The following ASAP1 variants were observed in gnomAD, a reference collection of about 807,000 sequenced individuals.
ASAP1 encodes arf-GAP with SH3 domain, ANK repeat and PH domain-containing protein 1.
A neutral mutation model predicts 145.2 loss-of-function variants in ASAP1; 43 were observed. That is an observed-to-expected ratio of 0.30 (90% CI 0.23 to 0.38). ASAP1 has a LOEUF of 0.38. ASAP1 is among the 10% of genes least tolerant of loss of function. The pLI is 1.00. For synonymous variants in ASAP1, 546 were observed against 515.5 expected, an observed-to-expected ratio of 1.06 and a Z score of -0.80; for missense variants, 1,018 against 1,355.3, an observed-to-expected ratio of 0.75 and a Z score of 3.91.
At chr8:130,359,226 T>G (rs1036014949) in intron 2 of ASAP1, among the ~76,000 whole-genome samples, 1 of 152,160 alleles carries the variant, frequency 6.6e-6, no homozygotes, top group Non-Finnish European at 1.5e-5. Context: ...TTTTTTTAAC[T>G]TGCAGGAAAG....
chr8:130,081,377 C>A (rs961049923), intron 25 of ASAP1, among the ~76,000 whole-genome samples: 3 of 152,182 alleles, frequency 2.0e-5, no homozygotes, highest in African/African-American at 7.2e-5. Flanking sequence ...CAGGAGGATT[C>A]CCCGGGACCC....
In ASAP1 at chr8:130,153,332, A is replaced by AATATATATAT. The variant is rs67554567; in HGVS notation, c.1011-537_1011-528dup. ...AGCACCTGGCCAGCACTGCTTTTTA[A>AATATATATAT]ATATATATATATATATATATATATA... is the stretch of plus-strand genomic sequence containing the variant. On this transcript the variant is annotated intron_variant, in intron 12 of 29. Transcript: ENST00000518721. Among the ~76,000 whole-genome samples, 680 of 87,416 alleles carry AATATATATAT rather than the reference A, an allele frequency of 7.8e-3. 11 individuals carry two copies. The highest frequency in any genetic ancestry group is 0.015 in the African/African-American group (329 of 22,628). The allele number at this position is 87,416 out of a possible 152,430, so 57.3% of individuals were successfully genotyped here.
At chr8:130,357,968 C>T in intron 3 of ASAP1, 49 bp downstream of exon 3, 1 of 1,559,706 alleles carries the variant, frequency 6.4e-7, no homozygotes, top group Non-Finnish European at 8.6e-7. Context: ...CCTCCAGCTG[C>T]GCGGCGGCAG....
intron 5 of ASAP1, among the ~76,000 whole-genome samples, chr8:130,195,628 C>T (rs2136278516): frequency 6.6e-6 from 1 of 152,242 alleles, no homozygotes; most frequent in Middle Eastern, 3.4e-3. Flanking sequence ...AGGTATTCCC[C>T]CTGCTAGTAC....
At chr8:130,407,908 T>G (rs755005176) in intron 1 of ASAP1, among the ~76,000 whole-genome samples, 4 of 152,268 alleles carry the variant, frequency 2.6e-5, no homozygotes, top group Admixed American at 6.5e-5. Flanking sequence ...TGGACAATTT[T>G]TTCCCCATAA....
chr8:130,281,092 T>G (rs1586745470), intron 3 of ASAP1, among the ~76,000 whole-genome samples: 1 of 152,158 alleles, frequency 6.6e-6, no homozygotes, highest in South Asian at 2.1e-4. Flanking sequence ...TGGTAGAAGA[T>G]AGCAGAGGTT....
At chr8:130,439,606 A>G (rs1051434000) in intron 1 of ASAP1, among the ~76,000 whole-genome samples, 1 of 152,242 alleles carries the variant, frequency 6.6e-6, no homozygotes, top group African/African-American at 2.4e-5. Flanking sequence ...CTTCAGTTGA[A>G]CACACAATGA....
chr8:130,220,704 T>C (rs1039212513), intron 4 of ASAP1, among the ~76,000 whole-genome samples: 3 of 152,094 alleles, frequency 2.0e-5, no homozygotes, highest in Admixed American at 6.5e-5. Context: ...ATAAAAGACA[T>C]ACCTGAGGCT....
intron 14 of ASAP1, among the ~76,000 whole-genome samples, chr8:130,136,132 A>G (rs1410659695): frequency 1.3e-5 from 2 of 152,192 alleles, no homozygotes; most frequent in African/African-American, 2.4e-5. Context: ...CTTCAATGGC[A>G]CTGTCATCCT....
At chr8:130,307,394 T>G (rs1164446579) in intron 3 of ASAP1, among the ~76,000 whole-genome samples, 3 of 152,238 alleles carry the variant, frequency 2.0e-5, no homozygotes, top group Non-Finnish European at 4.4e-5. Flanking sequence ...ACTGTTAATC[T>G]ATAATATGTA....
intron 26 of ASAP1, 108 bp downstream of exon 26, chr8:130,079,794 G>T: frequency 8.6e-7 from 1 of 1,169,068 alleles, no homozygotes; most frequent in Non-Finnish European, 1.3e-6. Flanking sequence ...CCACTTGGCT[G>T]ACCACAGCTT....
chr8:130,222,601 ATG>A (rs1457221249), intron 4 of ASAP1, among the ~76,000 whole-genome samples: 1 of 152,218 alleles, frequency 6.6e-6, no homozygotes, highest in East Asian at 1.9e-4. Flanking sequence ...AGAATCCACT[ATG>A]TGAAAGACTT....
intron 3 of ASAP1, among the ~76,000 whole-genome samples, chr8:130,314,171 C>T (rs78393342): frequency 6.6e-6 from 1 of 152,154 alleles, no homozygotes; most frequent in Non-Finnish European, 1.5e-5. Flanking sequence ...AGCTTCCTCC[C>T]CCCACTTACA....
intron 2 of ASAP1, among the ~76,000 whole-genome samples, chr8:130,379,082 C>T (rs1397459122): frequency 6.6e-6 from 1 of 152,124 alleles, no homozygotes; most frequent in Non-Finnish European, 1.5e-5. Flanking sequence ...AGATAGAGCT[C>T]AATCACCAAT....
intron 1 of ASAP1, among the ~76,000 whole-genome samples, chr8:130,402,732 A>T (rs1269381348): frequency 1.3e-5 from 2 of 151,746 alleles, no homozygotes; most frequent in Non-Finnish European, 2.9e-5. Context: ...TCCCCAATTC[A>T]TGTCTACTTT....
At chr8:130,434,306 G>T (rs1830233012) in intron 1 of ASAP1, among the ~76,000 whole-genome samples, 1 of 152,082 alleles carries the variant, frequency 6.6e-6, no homozygotes, top group South Asian at 2.1e-4. Context: ...CTGCACTACA[G>T]CCTGGGAGAC....
rs1447857329 is a variant in ASAP1 at position 130,344,273 on chromosome 8, C to T, written c.186+13744G>A. Among the ~76,000 whole-genome samples the T allele has an allele frequency of 4.6e-5, 7 of 152,076 alleles. No homozygotes were observed. The East Asian group carries it at 1.2e-3, about 25-fold the overall frequency. On this transcript the variant is annotated intron_variant, in intron 3 of 29. Coordinates refer to ENST00000518721, the MANE Select transcript of ASAP1 (RefSeq NM_018482.4). ...TCTCATACAGATCCGTTTAAATAAA[C>T]CATTTTTTTTTAAAGAGACAACCAG...
At chr8:130,412,776 T>C (rs963214910) in intron 1 of ASAP1, among the ~76,000 whole-genome samples, 2 of 151,818 alleles carry the variant, frequency 1.3e-5, no homozygotes, top group Admixed American at 6.6e-5. Flanking sequence ...CTCAGCCTCC[T>C]GAGTAGCTGG....
intron 1 of ASAP1, among the ~76,000 whole-genome samples, chr8:130,403,275 T>C (rs1586982171): frequency 1.3e-5 from 2 of 151,144 alleles, no homozygotes; most frequent in African/African-American, 4.9e-5. Context: ...ATGTCAAAAA[T>C]GGTGTCTTTA....
Sources: gnomAD v4.1 joint callset for allele counts (sites outside exome capture counted in the v4.1 genomes callset) on GRCh38, gnomAD v4.1.1 for gene constraint, MANE v1.5 for transcripts, NCBI Gene and HGNC (gene_info 2026-07-23, HGNC 2026-07-21) for gene names.